ITGA4: variants seen among roughly 807,000 people sequenced by gnomAD.
The protein encoded by ITGA4 is integrin subunit alpha 4, also known as integrin alpha-4.
In ITGA4, 63 loss-of-function variants were observed where a neutral mutation model predicts 133.6. The observed-to-expected ratio is 0.47, with a 90% CI of 0.38 to 0.58. The LOEUF (loss-of-function observed/expected upper bound fraction) is 0.58. Among genes scored for constraint, ITGA4 ranks in the 20% least tolerant of loss-of-function variants. ITGA4 has a pLI of 0.00. For synonymous variants in ITGA4, 483 were observed against 438.0 expected (o/e 1.10, Z -1.28); for missense variants, 1,076 against 1,252.7 (o/e 0.86, Z 2.13).
At chr2:181,493,655 C>A (rs1686101633) in intron 11 of ITGA4, among the ~76,000 whole-genome samples, 1 of 152,182 alleles carries the variant, frequency 6.6e-6, no homozygotes, top group Non-Finnish European at 1.5e-5. Context: ...GTCTATAGCC[C>A]ATTAAAGATT....
intron 11 of ITGA4, among the ~76,000 whole-genome samples, 178 bp downstream of exon 11, chr2:181,493,597 C>A (rs1686100471): frequency 6.6e-6 from 1 of 152,206 alleles, no homozygotes; most frequent in Non-Finnish European, 1.5e-5. Flanking sequence ...ACTCTTCAAA[C>A]TCCCTTTCTC....
chr2:181,531,946 C>CTAAG (rs1686954244), intron 25 of ITGA4, among the ~76,000 whole-genome samples, 170 bp downstream of exon 25: 1 of 152,178 alleles, frequency 6.6e-6, no homozygotes, highest in African/African-American at 2.4e-5. Flanking sequence ...TCTACATTGA[C>CTAAG]TAAGTGAAAT....
Position 181,527,762 on chromosome 2 carries a change from C to T in ITGA4, c.2430+375C>T, listed in dbSNP as rs546363589. On this transcript the variant is annotated intron_variant, in intron 22 of 27. Transcript: ENST00000397033. ...CAGTGAAATTTCTTCTTGGTTCAAG[C>T]GTATAAAAACCTCAGCACTACAAAG... is the stretch of plus-strand genomic sequence containing the variant. Among the ~76,000 whole-genome samples, 6 of 152,266 alleles carry T rather than the reference C, an allele frequency of 3.9e-5. No homozygotes were observed. The East Asian group carries it at 9.6e-4, about 24-fold the overall frequency.
chr2:181,471,941 G>T (rs1685561958), intron 2 of ITGA4, among the ~76,000 whole-genome samples: 1 of 152,190 alleles, frequency 6.6e-6, no homozygotes, highest in South Asian at 2.1e-4. Flanking sequence ...CCAGGACTTT[G>T]GTGAGACTAC....
At position 181,457,672 on chromosome 2, in the gene ITGA4, G is replaced by A. The variant is rs1272365677; in HGVS notation, c.18G>A (p.Arg6=). 21 of 1,610,684 alleles carry A rather than the reference G, an allele frequency of 1.3e-5. No homozygotes were observed. In the East Asian group the frequency reaches 4.5e-4, roughly 34 times the overall value. The change falls in exon 1 of 28, where the codon AGG becomes AGA. Residue 6 remains arginine, a synonymous_variant. Coordinates refer to ENST00000397033, the MANE Select transcript of ITGA4 (RefSeq NM_000885.6). ...GAGAGCGCATGGCTTGGGAAGCGAG[G>A]CGCGAACCCGGCCCCCGAAGGGCCG... MAWEA[R]REPGPRRAAV...
At position 181,516,445 on chromosome 2, in the gene ITGA4, C is replaced by T. The variant is rs1686609834; in HGVS notation, c.1922+4670C>T. ...CTTTCCAGCTCTCTCAGCTTTTCCT[C>T]ATGATCACAGTATAGCCAAGCAGCA... On this transcript the variant is annotated intron_variant, in intron 17 of 27. Coordinates refer to ENST00000397033, the MANE Select transcript of ITGA4 (RefSeq NM_000885.6). The surrounding 1 kb of genome is among the most constrained non-coding windows in gnomAD (Gnocchi z 4.0). Among the ~76,000 whole-genome samples the T allele has an allele frequency of 6.6e-6, 1 of 152,036 alleles. No individual in the cohort carries two copies. Among genetic ancestry groups the T allele is most frequent in the South Asian group, 2.1e-4 (1 of 4,818 alleles).
chr2:181,517,815 G>A (rs564227453), intron 17 of ITGA4, among the ~76,000 whole-genome samples: 3 of 152,152 alleles, frequency 2.0e-5, no homozygotes, highest in South Asian at 4.1e-4. Flanking sequence ...TTAATTTGCT[G>A]TTGTCTTGGA....
At chr2:181,512,899 T>C (rs1559052647) in intron 17 of ITGA4, among the ~76,000 whole-genome samples, 1 of 152,064 alleles carries the variant, frequency 6.6e-6, no homozygotes, top group African/African-American at 2.4e-5. Flanking sequence ...ATTTGTTCAA[T>C]TATTAGAAGA....
intron 5 of ITGA4, chr2:181,479,127 G>A (rs1261610592): frequency 5.0e-6 from 1 of 198,990 alleles, no homozygotes. Flanking sequence ...GTTAACTTAG[G>A]TATTGAAAAT....
chr2:181,479,649 C>A (rs1174045977), intron 5 of ITGA4: 1 of 152,146 alleles, frequency 6.6e-6, no homozygotes, highest in Non-Finnish European at 1.5e-5. Flanking sequence ...GCCCCACATT[C>A]CATTGGACTT....
At chr2:181,476,279 T>C (rs564981491) in intron 4 of ITGA4, 73 of 152,894 alleles carry the variant, frequency 4.8e-4, no homozygotes, top group Admixed American at 9.8e-4. Flanking sequence ...ATTTTCATAG[T>C]AGAGTTTTTA....
intron 17 of ITGA4, among the ~76,000 whole-genome samples, chr2:181,519,109 A>T (rs566978513): frequency 6.6e-6 from 1 of 152,152 alleles, no homozygotes; most frequent in Non-Finnish European, 1.5e-5. Context: ...TGGCATATTC[A>T]TAAAATGGAC....
rs1574387500 is a variant in ITGA4 at position 181,482,437 on chromosome 2, C to T, written c.903+15C>T. On this transcript the variant is annotated intron_variant, in intron 8 of 27. Transcript: ENST00000397033. Reference sequence around the variant, plus strand: ...AAGGTAAAAAGGTAATATGTCTCTACCTTTAGTATCTCTGTGGGCTTTTGC... The same window carrying T: ...AAGGTAAAAAGGTAATATGTCTCTATCTTTAGTATCTCTGTGGGCTTTTGC... 1 of 1,613,280 alleles carries T rather than the reference C, an allele frequency of 6.2e-7. No individual in the cohort carries two copies. The highest frequency in any genetic ancestry group is 8.5e-7 in the Non-Finnish European group (1 of 1,179,508).
intron 17 of ITGA4, among the ~76,000 whole-genome samples, chr2:181,521,339 C>T (rs1051231425): frequency 6.6e-6 from 1 of 152,152 alleles, no homozygotes; most frequent in African/African-American, 2.4e-5. Context: ...TCAGAACATT[C>T]TAGCTGTGGC....
At chr2:181,466,255 C>T (rs1173537852) in intron 2 of ITGA4, among the ~76,000 whole-genome samples, 2 of 151,760 alleles carry the variant, frequency 1.3e-5, no homozygotes, top group African/African-American at 4.8e-5. Context: ...TCTCTGGGGA[C>T]ATTTACCTCT....
intron 15 of ITGA4, among the ~76,000 whole-genome samples, chr2:181,508,643 C>T (rs1036862634): frequency 6.6e-6 from 1 of 151,952 alleles, no homozygotes; most frequent in Admixed American, 6.6e-5. Flanking sequence ...TTGTAGTGAG[C>T]TGAAATCACG....
intron 17 of ITGA4, among the ~76,000 whole-genome samples, chr2:181,517,131 A>T (rs1237113233): frequency 6.6e-6 from 1 of 152,012 alleles, no homozygotes; most frequent in African/African-American, 2.4e-5. Flanking sequence ...GTAGTAAAGG[A>T]AAAAAAGATA....
intron 2 of ITGA4, among the ~76,000 whole-genome samples, chr2:181,464,303 A>G (rs1685359872): frequency 6.6e-6 from 1 of 152,160 alleles, no homozygotes; most frequent in African/African-American, 2.4e-5. Flanking sequence ...ACAAGCTTTA[A>G]TGGTGAATCC....
At chr2:181,471,551 G>A (rs1239589932) in intron 2 of ITGA4, among the ~76,000 whole-genome samples, 1 of 152,172 alleles carries the variant, frequency 6.6e-6, no homozygotes, top group Non-Finnish European at 1.5e-5. Flanking sequence ...GTATCTAAGA[G>A]TGGATTAACT....
Sources: allele counts gnomAD v4.1 joint callset (sites outside exome capture counted in the v4.1 genomes callset), GRCh38; gene constraint gnomAD v4.1.1; non-coding constraint Gnocchi (gnomAD v3.1); transcripts MANE v1.5; gene names NCBI Gene and HGNC (gene_info 2026-07-23, HGNC 2026-07-21).